AGMO: variants seen among roughly 807,000 people sequenced by gnomAD.
AGMO encodes the protein alkylglycerol monooxygenase.
In AGMO, 75 loss-of-function variants were observed where a neutral mutation model predicts 60.2. That is an observed-to-expected ratio of 1.25 (90% CI 1.03 to 1.51). The LOEUF is 1.51. AGMO is among the 40% of genes most tolerant of loss of function. The pLI, the probability that AGMO is intolerant of heterozygous loss-of-function variation, is 0.00. For synonymous variants in AGMO, 261 were observed against 177.1 expected, an observed-to-expected ratio of 1.47 and a Z score of -3.76; for missense variants, 763 against 525.5, an observed-to-expected ratio of 1.45 and a Z score of -4.42.
intron 12 of AGMO, among the ~76,000 whole-genome samples, chr7:15,331,582 A>G (rs1781499492): frequency 6.6e-6 from 1 of 152,114 alleles, no homozygotes; most frequent in African/African-American, 2.4e-5. Context: ...TCACTAAAAT[A>G]TATTCTCCTT....
At position 15,456,941 on chromosome 7, in the gene AGMO, A is replaced by G. The variant is rs1227387604; in HGVS notation, c.410-25833T>C. ...TCTTTTTGTCCATCTTATTACTACA[A>G]TTTTCAAGAGGCTTCAGAAGAAGCA... On this transcript the variant is annotated intron_variant, in intron 3 of 12. Transcript: ENST00000342526. 2.6e-5 allele frequency among the ~76,000 whole-genome samples: 4 copies of G among 152,046 alleles called. 1 individual carries two copies. The highest frequency in any genetic ancestry group is 7.2e-5 in the African/African-American group (3 of 41,412).
intron 12 of AGMO, among the ~76,000 whole-genome samples, chr7:15,325,866 G>T (rs558057552): frequency 6.6e-6 from 1 of 151,884 alleles, no homozygotes; most frequent in Non-Finnish European, 1.5e-5. Flanking sequence ...ATCTTGACTT[G>T]GTTGTTCGCA....
At chr7:15,158,926 GC>G in the AGMO span, among the ~76,000 whole-genome samples, 455 of 152,200 alleles carry the variant, frequency 3.0e-3, 3 homozygotes, top group South Asian at 0.017. Flanking sequence ...TTGAGCAAAG[GC>G]AAGTATCCAG....
At position 15,319,711 on chromosome 7, in the gene AGMO, T is replaced by C. The variant is rs575614209; in HGVS notation, c.1263+45803A>G. On this transcript the variant is annotated intron_variant, in intron 12 of 12. Coordinates refer to ENST00000342526, the MANE Select transcript of AGMO (RefSeq NM_001004320.2). ...ACCAGAAACACACACACGGAAAGATTCCATTAGTAAGCAGCAAGAAAAATG... is the reference window on the plus strand; with the variant it reads ...ACCAGAAACACACACACGGAAAGATCCCATTAGTAAGCAGCAAGAAAAATG... Among the ~76,000 whole-genome samples the C allele has an allele frequency of 3.9e-5, 6 of 152,122 alleles. No homozygotes were observed. The East Asian group carries it at 1.2e-3, about 30-fold the overall frequency.
intron 12 of AGMO, among the ~76,000 whole-genome samples, chr7:15,229,755 T>A (rs958736709): frequency 2.7e-5 from 4 of 147,538 alleles, no homozygotes; most frequent in Non-Finnish European, 6.0e-5. Flanking sequence ...ATATAAATAA[T>A]TAGTTATATA....
At chr7:15,455,660 ATAGT>A (rs1201372033) in intron 3 of AGMO, among the ~76,000 whole-genome samples, 4 of 152,122 alleles carry the variant, frequency 2.6e-5, no homozygotes, top group Admixed American at 2.6e-4. Context: ...TGCTTGATTG[ATAGT>A]TTATTTAAGT....
intron 3 of AGMO, among the ~76,000 whole-genome samples, chr7:15,514,363 A>G (rs1051306534): frequency 1.3e-5 from 2 of 152,180 alleles, no homozygotes; most frequent in Non-Finnish European, 2.9e-5. Context: ...ATATATGTGA[A>G]TGATAATAAT....
the AGMO span, among the ~76,000 whole-genome samples, chr7:15,119,156 T>A: frequency 6.6e-6 from 1 of 151,796 alleles, no homozygotes; most frequent in Non-Finnish European, 1.5e-5. Flanking sequence ...CCCACCCAAA[T>A]CTCATGTTGA....
rs143388823 is a variant in AGMO, at chr7:15,283,803, T to A, written c.1263+81711A>T. 7.3e-3 allele frequency among the ~76,000 whole-genome samples: 1,103 copies of A among 151,722 alleles called. 11 individuals are homozygous for A. Among genetic ancestry groups the A allele is most frequent in the Non-Finnish European group, 9.0e-3 (612 of 67,824 alleles). ...ATTCTTTCACCAGTACATGGAGCAGTCTCCAAGATAGACCATATGATAGGC... is the reference window on the plus strand; with the variant it reads ...ATTCTTTCACCAGTACATGGAGCAGACTCCAAGATAGACCATATGATAGGC... On this transcript the variant is annotated intron_variant, in intron 12 of 12. Coordinates refer to ENST00000342526, the MANE Select transcript of AGMO (RefSeq NM_001004320.2).
intron 12 of AGMO, among the ~76,000 whole-genome samples, chr7:15,332,728 T>G (rs1450552951): frequency 1.3e-5 from 2 of 152,162 alleles, no homozygotes; most frequent in African/African-American, 4.8e-5. Context: ...AGGTGCTTAA[T>G]AAACAGTATT....
At chr7:15,505,095 T>G (rs1462454603) in intron 3 of AGMO, among the ~76,000 whole-genome samples, 2 of 151,878 alleles carry the variant, frequency 1.3e-5, no homozygotes, top group African/African-American at 4.8e-5. Context: ...CCCAAAATAA[T>G]CTGTACCTCT....
At chr7:15,440,790 A>T (rs1264835537) in intron 3 of AGMO, among the ~76,000 whole-genome samples, 4 of 152,318 alleles carry the variant, frequency 2.6e-5, no homozygotes, top group South Asian at 2.1e-4. Flanking sequence ...AAAATGTGTA[A>T]TTTTTAACTT....
intron 12 of AGMO, among the ~76,000 whole-genome samples, chr7:15,303,437 A>G (rs1236840311): frequency 1.1e-5 from 1 of 90,820 alleles, no homozygotes; most frequent in African/African-American, 3.8e-5. Flanking sequence ...GGAAAAACAG[A>G]AAAAAAAAAG....
intron 3 of AGMO, among the ~76,000 whole-genome samples, chr7:15,493,489 T>G (rs991901713): frequency 6.8e-6 from 1 of 146,368 alleles, no homozygotes; most frequent in Non-Finnish European, 1.5e-5. Context: ...TTCTCCTGCC[T>G]CAGCCTCCCG....
chr7:15,272,993 G>C (rs1469094802), intron 12 of AGMO, among the ~76,000 whole-genome samples: 1 of 151,518 alleles, frequency 6.6e-6, no homozygotes, highest in East Asian at 1.9e-4. Flanking sequence ...TTTTTTTCTT[G>C]TAAATTTGGG....
chr7:15,321,325 T>C (rs918032018), intron 12 of AGMO, among the ~76,000 whole-genome samples: 6 of 152,174 alleles, frequency 3.9e-5, no homozygotes, highest in African/African-American at 1.4e-4. Flanking sequence ...CATGCACCTT[T>C]CTAAAACTCT....
chr7:15,171,782 T>C, the AGMO span, among the ~76,000 whole-genome samples: 20 of 152,332 alleles, frequency 1.3e-4, no homozygotes, highest in African/African-American at 4.6e-4. Context: ...TTTATCTTTC[T>C]ATTATAAACA....
At chr7:15,395,978 G>T (rs865835367) in intron 5 of AGMO, 12 of 152,264 alleles carry the variant, frequency 7.9e-5, no homozygotes, top group African/African-American at 2.9e-4. Context: ...ACATATCAAA[G>T]CGGATCCTTC....
chr7:15,282,687 T>C (rs1306657495), intron 12 of AGMO, among the ~76,000 whole-genome samples: 1 of 152,162 alleles, frequency 6.6e-6, no homozygotes, highest in Non-Finnish European at 1.5e-5. Flanking sequence ...TGAGGAAAAC[T>C]TCCCTGGCTT....
Sources: gnomAD v4.1 joint callset for allele counts (sites outside exome capture counted in the v4.1 genomes callset) on GRCh38, gnomAD v4.1.1 for gene constraint, MANE v1.5 for transcripts, NCBI Gene and HGNC (gene_info 2026-07-23, HGNC 2026-07-21) for gene names.